GSTT4: variants seen among roughly 807,000 people sequenced by gnomAD.
GSTT4 encodes glutathione S-transferase theta-4.
downstream of GSTT4, among the ~76,000 whole-genome samples, chr22:23,994,057 A>C (rs1428846617): frequency 6.6e-6 from 1 of 152,102 alleles, no homozygotes; most frequent in Non-Finnish European, 1.5e-5. Context: ...GGTAGGTCTT[A>C]CTCCAAGATG....
rs181357895 is a variant in GSTT4, at chr22:24,002,596, C to T, written c.200+1164G>A. 9.0e-4 allele frequency among the ~76,000 whole-genome samples: 137 copies of T among 152,278 alleles called. 1 individual carries two copies. The highest frequency in any genetic ancestry group is 2.9e-3 in the African/African-American group (122 of 41,548). ...CTGTAATCCCAGCACTCTGGGAGGC[C>T]GAGGCGGGGGGATCATGGGGTCAGG... On this transcript the variant is annotated intron_variant, in intron 2 of 4. Coordinates refer to ENST00000621179, the MANE Select transcript of GSTT4 (RefSeq NM_001358664.2).
intron 2 of GSTT4, among the ~76,000 whole-genome samples, chr22:24,001,930 G>C (rs917912342): frequency 2.0e-5 from 3 of 152,284 alleles, no homozygotes; most frequent in Non-Finnish European, 4.4e-5. Context: ...GGCAGAGGTT[G>C]TAGTGAGCCA....
downstream of GSTT4, among the ~76,000 whole-genome samples, chr22:23,996,258 G>A (rs866504788): frequency 5.3e-5 from 8 of 152,154 alleles, no homozygotes; most frequent in Middle Eastern, 6.8e-3. Flanking sequence ...TTGTTTATTA[G>A]CTCTAATGGT....
At position 23,998,437 on chromosome 22, in the gene GSTT4, G is replaced by GTTTTTT. The variant is rs1351213418; in HGVS notation, c.*104_*105insAAAAAA. 1 of 146,724 alleles carries GTTTTTT rather than the reference G, an allele frequency of 6.8e-6. No homozygotes were observed. The highest frequency in any genetic ancestry group is 7.1e-5 in the Admixed American group (1 of 14,006). 9.1% of individuals were successfully genotyped at this position (146,724 alleles called of 1,614,324 possible). ...CCAGTTCTTTATTAGGCAAAGAACAGTTGTTTTTTTGTTTTTTTGTTTTTT... is the reference window on the plus strand; with the variant it reads ...CCAGTTCTTTATTAGGCAAAGAACAGTTTTTTTTGTTTTTTTGTTTTTTTGTTTTTT... On this transcript the variant is annotated 3_prime_UTR_variant, in exon 5 of 5. Transcript: ENST00000621179.
the GSTT4 span, among the ~76,000 whole-genome samples, chr22:23,989,832 T>G: frequency 6.7e-6 from 1 of 149,570 alleles, no homozygotes; most frequent in Admixed American, 6.8e-5. Context: ...AGGACCTCAG[T>G]CAAGCCAGGC....
the GSTT4 span, among the ~76,000 whole-genome samples, chr22:23,990,645 T>TA: frequency 3.1e-5 from 2 of 64,684 alleles, 1 homozygote; most frequent in South Asian, 1.4e-3. Context: ...AATAAATAAA[T>TA]AAATAAATAA....
chr22:23,990,441 G>A, the GSTT4 span, among the ~76,000 whole-genome samples: 2 of 33,362 alleles, frequency 6.0e-5, no homozygotes, highest in East Asian at 5.2e-4. Context: ...AAAATCACGC[G>A]TCTACACACA....
At chr22:24,000,321 G>C (rs1357283871) in intron 3 of GSTT4, 70 bp from the exon 4 acceptor site, 1 of 151,474 alleles carries the variant, frequency 6.6e-6, no homozygotes, top group African/African-American at 2.5e-5. Flanking sequence ...CCAGGTCTCT[G>C]TACTCTTGTC....
chr22:23,995,784 T>C (rs1235322904), downstream of GSTT4, among the ~76,000 whole-genome samples: 1 of 152,192 alleles, frequency 6.6e-6, no homozygotes, highest in African/African-American at 2.4e-5. Flanking sequence ...TGTAGTTTGC[T>C]GTGTTGAAAT....
chr22:23,998,008 TTCCACTGTG>T (rs1185129119), downstream of GSTT4, among the ~76,000 whole-genome samples: 1 of 152,238 alleles, frequency 6.6e-6, no homozygotes, highest in African/African-American at 2.4e-5. Flanking sequence ...TTTAACTTTA[TTCCACTGTG>T]TCCAGAGAAC....
chr22:24,002,363 T>G (rs886882870), intron 2 of GSTT4, among the ~76,000 whole-genome samples: 1 of 152,228 alleles, frequency 6.6e-6, no homozygotes, highest in Non-Finnish European at 1.5e-5. Context: ...AGGGGAGACA[T>G]GCTTCGGAGG....
downstream of GSTT4, among the ~76,000 whole-genome samples, chr22:23,995,313 T>C (rs983544737): frequency 3.3e-4 from 50 of 152,274 alleles, no homozygotes; most frequent in African/African-American, 1.2e-3. Flanking sequence ...TAAGACAAGC[T>C]TTTGGAATTG....
intron 4 of GSTT4, among the ~76,000 whole-genome samples, chr22:23,999,299 G>C (rs1220771265): frequency 1.3e-5 from 2 of 151,918 alleles, no homozygotes; most frequent in Non-Finnish European, 2.9e-5. Flanking sequence ...CTGAACCCTT[G>C]GGGCAGGCCA....
chr22:24,002,253 C>A (rs1414537633), intron 2 of GSTT4, among the ~76,000 whole-genome samples: 1 of 152,196 alleles, frequency 6.6e-6, no homozygotes, highest in East Asian at 1.9e-4. Flanking sequence ...GGAGGGTGAG[C>A]CCGAGGGGGC....
the GSTT4 span, chr22:23,991,298 C>G: frequency 9.1e-6 from 1 of 110,246 alleles, no homozygotes; most frequent in African/African-American, 2.8e-5. Context: ...GGCAGGGATT[C>G]GTGGCCAATA....
chr22:24,000,223 T>C lies in GSTT4; in HGVS notation c.380A>G (p.Glu127Gly), dbSNP rs2146228175. ...KLLIPKITGE[E>G]VSAEKMEHAV... The stretch of plus-strand genomic sequence containing the variant: ...ATGCTCCATCTTCTCAGCTGAAACT[T>C]CCTCCCCTGTTATCTTTGGGATCAG... Residue 127 changes from glutamate to glycine, a missense_variant, in exon 4 of 5, where the codon GAA becomes GGA. Coordinates refer to ENST00000621179, the MANE Select transcript of GSTT4 (RefSeq NM_001358664.2). The C allele has an allele frequency of 6.5e-6, 1 of 154,260 alleles. No individual in the cohort carries two copies. Among genetic ancestry groups the C allele is most frequent in the Admixed American group, 6.5e-5 (1 of 15,294 alleles). The allele number at this position is 154,260 out of a possible 1,614,324, so 9.6% of individuals were successfully genotyped here. A position where few individuals can be genotyped will look rare whatever the true frequency, so the allele number is the denominator to read the frequency against.
At chr22:24,001,554 G>A (rs2034231036) in intron 2 of GSTT4, among the ~76,000 whole-genome samples, 2 of 152,410 alleles carry the variant, frequency 1.3e-5, no homozygotes, top group South Asian at 4.1e-4. Context: ...ACAAAGAGTA[G>A]GCCAGCAGGG....
At chr22:23,994,267 A>G (rs1424602700), downstream of GSTT4, among the ~76,000 whole-genome samples, 2 of 152,022 alleles carry the variant, frequency 1.3e-5, no homozygotes, top group African/African-American at 4.8e-5. Flanking sequence ...ACCCTTTCAA[A>G]GTATACTTTA....
At chr22:23,997,291 G>C (rs1368874885), downstream of GSTT4, among the ~76,000 whole-genome samples, 1 of 151,774 alleles carries the variant, frequency 6.6e-6, no homozygotes, top group Non-Finnish European at 1.5e-5. Context: ...ATCATAGCTC[G>C]GTGTAACCTT....
Sources: allele counts gnomAD v4.1 joint callset (sites outside exome capture counted in the v4.1 genomes callset), GRCh38; gene constraint gnomAD v4.1.1; transcripts MANE v1.5; gene names NCBI Gene and HGNC (gene_info 2026-07-23, HGNC 2026-07-21).